The following ADAMTS18 variants were observed in gnomAD, a reference collection of about 807,000 sequenced individuals.
ADAMTS18 encodes the protein A disintegrin and metalloproteinase with thrombospondin motifs 18.
In ADAMTS18, 157 loss-of-function variants were observed where a neutral mutation model predicts 165.9. That is an observed-to-expected ratio of 0.95 (90% CI 0.83 to 1.08). ADAMTS18 has a LOEUF of 1.08. Among genes scored for constraint, ADAMTS18 ranks in the 50% least tolerant of loss-of-function variants. ADAMTS18 has a pLI of 0.00. For missense variants in ADAMTS18, 2,040 were observed against 1,534.0 expected (o/e 1.33, Z -5.51); for synonymous variants, 782 against 578.2 (o/e 1.35, Z -5.06).
intron 14 of ADAMTS18, among the ~76,000 whole-genome samples, chr16:77,321,530 ACATG>A (rs2055998555): frequency 6.6e-6 from 1 of 152,194 alleles, no homozygotes; most frequent in East Asian, 1.9e-4. Flanking sequence ...TGGACAATAC[ACATG>A]CATGCATGTG....
intron 3 of ADAMTS18, among the ~76,000 whole-genome samples, chr16:77,377,515 G>A (rs2056970124): frequency 6.6e-6 from 1 of 152,154 alleles, no homozygotes; most frequent in Non-Finnish European, 1.5e-5. Context: ...AATGATGTAA[G>A]CATATCTTAA....
chr16:77,354,233 G>A (rs2056596774), intron 9 of ADAMTS18, among the ~76,000 whole-genome samples: 1 of 152,078 alleles, frequency 6.6e-6, no homozygotes, highest in Non-Finnish European at 1.5e-5. Flanking sequence ...CTACTCTGTG[G>A]CAAACCTTAG....
chr16:77,345,148 G>C (rs1189832015), intron 10 of ADAMTS18, among the ~76,000 whole-genome samples: 2 of 152,116 alleles, frequency 1.3e-5, no homozygotes, highest in Non-Finnish European at 2.9e-5. Flanking sequence ...GTGTCCTCCA[G>C]TTGTATTCTA....
intron 2 of ADAMTS18, among the ~76,000 whole-genome samples, chr16:77,433,186 A>G (rs2057759163): frequency 6.6e-6 from 1 of 152,204 alleles, no homozygotes. Context: ...CTGTCAAACT[A>G]AAACTTAACT....
At chr16:77,366,604 A>G (rs2056798428) in intron 4 of ADAMTS18, among the ~76,000 whole-genome samples, 1 of 152,132 alleles carries the variant, frequency 6.6e-6, no homozygotes, top group Non-Finnish European at 1.5e-5. Context: ...CAAAAAGAAA[A>G]TGTTTTAAAT....
chr16:77,291,162 T>A (rs2055354585), intron 21 of ADAMTS18, 104 bp downstream of exon 21: 5 of 1,326,040 alleles, frequency 3.8e-6, no homozygotes, highest in Non-Finnish European at 5.3e-6. Flanking sequence ...CTTAGTTGTT[T>A]TTACTTAGAC....
Position 77,335,786 on chromosome 16 carries a change from T to G in ADAMTS18, c.1829A>C (p.Lys610Thr), listed in dbSNP as rs202020248. The G allele has an allele frequency of 6.2e-6, 10 of 1,614,126 alleles. No homozygotes were observed. The highest frequency in any genetic ancestry group is 4.0e-5 in the African/African-American group (3 of 74,948). ...GTTATTGCAGTGTCTCTCCTGGAAC[T>G]TGACTCCTCCACCACATGTCCGGGA... Reference protein sequence around the residue: ...ECSRTCGGGVKFQERHCNNPK... With the variant: ...ECSRTCGGGVTFQERHCNNPK... Residue 610 changes from lysine (K) to threonine (T), a missense_variant, in exon 12 of 23, where the codon AAG (lysine) becomes ACG (threonine). Lys to Thr is a moderately conservative substitution (Grantham distance 78). Coordinates refer to ENST00000282849, the MANE Select transcript of ADAMTS18 (RefSeq NM_199355.4).
At chr16:77,359,713 G>C (rs745661828) in intron 7 of ADAMTS18, among the ~76,000 whole-genome samples, 18 of 152,114 alleles carry the variant, frequency 1.2e-4, no homozygotes, top group Non-Finnish European at 2.6e-4. Flanking sequence ...TTTACATTTA[G>C]TTTAGTAAGT....
rs28603327 is a variant in ADAMTS18 at position 77,311,934 on chromosome 16, G to C, written c.2532+7915C>G. ...GCAAACATGACCTTATTCCACTGTG[G>C]TGAAACGACAATTTTGTATTACTGG... On this transcript the variant is annotated intron_variant, in intron 16 of 22. Coordinates refer to ENST00000282849, the MANE Select transcript of ADAMTS18 (RefSeq NM_199355.4). Among the ~76,000 whole-genome samples, 1,186 of 152,242 alleles carry C rather than the reference G, an allele frequency of 7.8e-3. 17 individuals carry two copies. Among genetic ancestry groups the C allele is most frequent in the African/African-American group, 0.027 (1,115 of 41,552 alleles).
intron 3 of ADAMTS18, among the ~76,000 whole-genome samples, chr16:77,412,086 C>A (rs1378738099): frequency 6.6e-6 from 1 of 151,998 alleles, no homozygotes; most frequent in East Asian, 1.9e-4. Flanking sequence ...GCAGATGGCC[C>A]TCCCCAATGG....
At chr16:77,358,475 T>G (rs1389146734) in intron 8 of ADAMTS18, among the ~76,000 whole-genome samples, 1 of 151,968 alleles carries the variant, frequency 6.6e-6, no homozygotes, top group Non-Finnish European at 1.5e-5. Context: ...GGCAGGAGAA[T>G]CACTTGAACC....
chr16:77,335,835 C>T lies in ADAMTS18; in HGVS notation c.1780G>A (p.Ala594Thr), dbSNP rs140240513. Reference protein sequence around the residue: ...GPRPIHGQWSAWSKWSECSRT... With the variant: ...GPRPIHGQWSTWSKWSECSRT... Reference sequence around the variant, plus strand: ...GAACATTCTGACCACTTCGACCAGGCGGACCACTGGCCGTGGATGGGCCGG... The same window carrying T: ...GAACATTCTGACCACTTCGACCAGGTGGACCACTGGCCGTGGATGGGCCGG... The change falls in exon 12 of 23, where the codon GCC becomes ACC. Residue 594 changes from alanine to threonine, a missense_variant. Coordinates refer to ENST00000282849, the MANE Select transcript of ADAMTS18 (RefSeq NM_199355.4). The T allele has an allele frequency of 9.6e-4, 1,543 of 1,614,176 alleles. 16 individuals carry two copies. The Admixed American group carries it at 0.017, about 18-fold the overall frequency.
intron 10 of ADAMTS18, among the ~76,000 whole-genome samples, chr16:77,342,623 T>C (rs992252556): frequency 2.0e-5 from 3 of 152,222 alleles, no homozygotes; most frequent in Non-Finnish European, 4.4e-5. Flanking sequence ...TTTTCAAATA[T>C]GTAGACAATT....
chr16:77,335,604 C>T, intron 12 of ADAMTS18, 152 bp downstream of exon 12: 1 of 916,936 alleles, frequency 1.1e-6, no homozygotes, highest in Non-Finnish European at 1.7e-6. Context: ...TGTATCAACA[C>T]ATCACATGTA....
intron 3 of ADAMTS18, among the ~76,000 whole-genome samples, chr16:77,425,975 G>C (rs144821819): frequency 1.2e-3 from 184 of 152,196 alleles, no homozygotes; most frequent in Non-Finnish European, 2.0e-3. Flanking sequence ...GAATCTGGGA[G>C]ACAGAGGTTG....
chr16:77,357,486 ACCC>A, intron 8 of ADAMTS18, among the ~76,000 whole-genome samples: 1 of 152,328 alleles, frequency 6.6e-6, no homozygotes, highest in Middle Eastern at 3.4e-3. Flanking sequence ...TTTGGGAGAC[ACCC>A]TTTCTAAATA....
chr16:77,426,849 C>T (rs182023510), intron 3 of ADAMTS18, among the ~76,000 whole-genome samples: 2 of 152,210 alleles, frequency 1.3e-5, no homozygotes, highest in African/African-American at 2.4e-5. Flanking sequence ...ATGGCAAAAC[C>T]TCGCCTCTAC....
chr16:77,411,487 T>A (rs2057462354), intron 3 of ADAMTS18, among the ~76,000 whole-genome samples: 4 of 152,174 alleles, frequency 2.6e-5, no homozygotes, highest in African/African-American at 9.6e-5. Flanking sequence ...ATTTTGGAGT[T>A]CATACACTCA....
At chr16:77,349,732 T>A (rs1370598868) in intron 10 of ADAMTS18, among the ~76,000 whole-genome samples, 1 of 152,180 alleles carries the variant, frequency 6.6e-6, no homozygotes, top group Non-Finnish European at 1.5e-5. Context: ...CAGATACATA[T>A]CCTAAAATGC....
Sources: allele counts gnomAD v4.1 joint callset (sites outside exome capture counted in the v4.1 genomes callset), GRCh38; gene constraint gnomAD v4.1.1; transcripts MANE v1.5; gene names NCBI Gene and HGNC (gene_info 2026-07-23, HGNC 2026-07-21).